The following PPP1R12A variants were observed in gnomAD, a reference collection of about 807,000 sequenced individuals.
The protein encoded by PPP1R12A is myosin binding subunit.
Under a neutral mutation model 139.6 loss-of-function variants are expected in PPP1R12A, and 19 were observed. That is an observed-to-expected ratio of 0.14 (90% CI 0.09 to 0.20). The LOEUF is 0.20. Among genes scored for constraint, PPP1R12A ranks in the 10% least tolerant of loss-of-function variants. PPP1R12A has a pLI of 1.00. For synonymous variants in PPP1R12A, 427 were observed against 420.6 expected, an observed-to-expected ratio of 1.02 and a Z score of -0.19; for missense variants, 925 against 1,211.5, an observed-to-expected ratio of 0.76 and a Z score of 3.51.
chr12:79,920,992 C>CGAA (rs1887391791), intron 1 of PPP1R12A, among the ~76,000 whole-genome samples: 1 of 152,214 alleles, frequency 6.6e-6, no homozygotes, highest in South Asian at 2.1e-4. Flanking sequence ...GAACTAGTAT[C>CGAA]TCATTGTGGG....
At chr12:79,826,676 T>C (rs543150964) in intron 5 of PPP1R12A, among the ~76,000 whole-genome samples, 2 of 152,318 alleles carry the variant, frequency 1.3e-5, no homozygotes, top group South Asian at 4.1e-4. Context: ...TTATGATAAA[T>C]TGTATAGCAT....
chr12:79,902,935 G>A (rs1370564154), intron 1 of PPP1R12A, among the ~76,000 whole-genome samples: 1 of 151,784 alleles, frequency 6.6e-6, no homozygotes, highest in Non-Finnish European at 1.5e-5. Flanking sequence ...TCCCGTGCAT[G>A]CCCCAATTCC....
chr12:79,893,709 G>A (rs1237444040), intron 1 of PPP1R12A, among the ~76,000 whole-genome samples: 1 of 152,054 alleles, frequency 6.6e-6, no homozygotes, highest in Non-Finnish European at 1.5e-5. Context: ...TTGTTAAACA[G>A]GCAAATAACA....
chr12:79,836,395 G>A (rs2596789), intron 3 of PPP1R12A, among the ~76,000 whole-genome samples: 31,493 of 151,492 alleles, frequency 0.21, 5,890 homozygotes, highest in African/African-American at 0.5. Flanking sequence ...AATCTTAAAC[G>A]TTCTGATTTT....
At chr12:79,776,910 T>G (rs1261150652) in intron 24 of PPP1R12A, among the ~76,000 whole-genome samples, 1 of 152,172 alleles carries the variant, frequency 6.6e-6, no homozygotes, top group Non-Finnish European at 1.5e-5. Context: ...TTTATCTAAC[T>G]TGATAAAAGT....
chr12:79,871,311 T>C (rs780209815), intron 2 of PPP1R12A, among the ~76,000 whole-genome samples: 1 of 152,196 alleles, frequency 6.6e-6, no homozygotes, highest in Non-Finnish European at 1.5e-5. Flanking sequence ...ATCAAGTCTA[T>C]GCAAAGAAAT....
chr12:79,927,418 T>C (rs1368948463), intron 1 of PPP1R12A, among the ~76,000 whole-genome samples: 1 of 152,194 alleles, frequency 6.6e-6, no homozygotes, highest in Non-Finnish European at 1.5e-5. Context: ...TTAATTTAGA[T>C]ACAGTACTAC....
At chr12:79,917,503 AAAG>A (rs1263038378) in intron 1 of PPP1R12A, among the ~76,000 whole-genome samples, 1 of 150,268 alleles carries the variant, frequency 6.7e-6, no homozygotes, top group African/African-American at 2.5e-5. Flanking sequence ...AAAAAAAAAA[AAAG>A]AGTTTAATAT....
At chr12:79,786,324 A>C (rs1166411103) in intron 22 of PPP1R12A, 50 bp downstream of exon 22, 7 of 1,170,822 alleles carry the variant, frequency 6.0e-6, no homozygotes, top group Non-Finnish European at 8.3e-6. Context: ...TTTAGATGGG[A>C]TAAATCACAA....
intron 22 of PPP1R12A, among the ~76,000 whole-genome samples, chr12:79,784,491 G>A (rs1198967919): frequency 6.6e-6 from 1 of 152,164 alleles, no homozygotes; most frequent in Non-Finnish European, 1.5e-5. Flanking sequence ...CCCCTCTCTT[G>A]CAGGGTTTGA....
chr12:79,838,755 C>T (rs1282799908), intron 3 of PPP1R12A, among the ~76,000 whole-genome samples: 1 of 152,216 alleles, frequency 6.6e-6, no homozygotes, highest in African/African-American at 2.4e-5. Flanking sequence ...TTGGGAAGCT[C>T]TGCCTAGATT....
At chr12:79,780,861 A>C (rs1870360385) in intron 23 of PPP1R12A, 1 of 152,204 alleles carries the variant, frequency 6.6e-6, no homozygotes, top group Non-Finnish European at 1.5e-5. Context: ...TAGCTATTGC[A>C]AGGTACAACT....
At chr12:79,906,193 TAATAA>T (rs1886094855) in intron 1 of PPP1R12A, among the ~76,000 whole-genome samples, 1 of 152,108 alleles carries the variant, frequency 6.6e-6, no homozygotes, top group Admixed American at 6.5e-5. Context: ...TTGGAATGGT[TAATAA>T]AATTACAAAC....
At chr12:79,813,601 C>A (rs977542452) in intron 9 of PPP1R12A, among the ~76,000 whole-genome samples, 3 of 152,118 alleles carry the variant, frequency 2.0e-5, no homozygotes, top group Admixed American at 6.5e-5. Flanking sequence ...AATAGATAAT[C>A]TGCTTTAGAG....
upstream of PPP1R12A, chr12:79,935,392 G>C (rs1888592276): frequency 6.0e-6 from 6 of 993,754 alleles, no homozygotes; most frequent in Non-Finnish European, 7.2e-6. Flanking sequence ...TGTCCTGTCG[G>C]GCTGGGGGCT....
chr12:79,888,375 G>A (rs1411338257), intron 1 of PPP1R12A, among the ~76,000 whole-genome samples: 2 of 152,084 alleles, frequency 1.3e-5, no homozygotes, highest in Non-Finnish European at 2.9e-5. Context: ...GATACCCACA[G>A]TAACCAAAGC....
chr12:79,790,482 G>T lies in PPP1R12A; in HGVS notation c.2651C>A (p.Thr884Lys). The T allele has an allele frequency of 7.3e-7, 1 of 1,376,418 alleles. No homozygotes were observed. The highest frequency in any genetic ancestry group is 9.8e-7 in the Non-Finnish European group (1 of 1,022,890). The allele number at this position is 1,376,418 out of a possible 1,614,324, so 85.3% of individuals were successfully genotyped here. A position where few individuals can be genotyped will look rare whatever the true frequency, so the allele number is the denominator to read the frequency against. Residue 884 changes from threonine (T) to lysine (K), a missense_variant and splice_region_variant, in exon 20 of 25, where the codon ACG (threonine) becomes AAG (lysine). Transcript: ENST00000450142. The stretch of plus-strand genomic sequence containing the variant: ...TAAAACATACCTAGAAATGGAATCC[G>T]TCTGGAAAGAAAGAGAAAAACATAG... ...EEGSNKKETQ[T>K]DSISRYETSS... is the part of the protein sequence containing the mutation.
At chr12:79,779,798 G>A in intron 23 of PPP1R12A, 5 of 162,768 alleles carry the variant, frequency 3.1e-5, no homozygotes, top group Admixed American at 1.2e-4. Context: ...TAAATTAGTG[G>A]TAAAGTAAGA....
intron 1 of PPP1R12A, among the ~76,000 whole-genome samples, chr12:79,888,930 TC>T (rs1386851400): frequency 6.6e-6 from 1 of 152,184 alleles, no homozygotes; most frequent in Non-Finnish European, 1.5e-5. Flanking sequence ...AAGGCACATA[TC>T]CCTTGACAGT....
Sources: allele counts gnomAD v4.1 joint callset (sites outside exome capture counted in the v4.1 genomes callset), GRCh38; gene constraint gnomAD v4.1.1; transcripts MANE v1.5; gene names NCBI Gene and HGNC (gene_info 2026-07-23, HGNC 2026-07-21).